Variants in NNT observed in about 807,000 individuals in gnomAD.
The protein encoded by NNT is NAD(P) transhydrogenase, mitochondrial.
In NNT, 50 loss-of-function variants were observed where a neutral mutation model predicts 104.8. That is an observed-to-expected ratio of 0.48 (90% CI 0.38 to 0.60). The LOEUF (loss-of-function observed/expected upper bound fraction) is 0.60, where lower values mean the gene tolerates loss of function less well. Ranked by LOEUF, NNT falls within the 20% of genes least tolerant of loss-of-function variation. NNT has a pLI of 0.00. For missense variants in NNT, 1,131 were observed against 1,330.7 expected, an observed-to-expected ratio of 0.85 and a Z score of 2.33; for synonymous variants, 461 against 490.4, an observed-to-expected ratio of 0.94 and a Z score of 0.79.
At chr5:43,608,890 G>C (rs1749358781) in intron 1 of NNT, among the ~76,000 whole-genome samples, 1 of 152,170 alleles carries the variant, frequency 6.6e-6, no homozygotes. Context: ...CCTAGGCTTG[G>C]AATTGAATAG....
intron 17 of NNT, among the ~76,000 whole-genome samples, chr5:43,668,754 G>T (rs772601014): frequency 9.3e-4 from 142 of 152,282 alleles, no homozygotes; most frequent in Middle Eastern, 3.4e-3. Flanking sequence ...GATTGACCTG[G>T]CAATGTGAGC....
intron 3 of NNT, among the ~76,000 whole-genome samples, chr5:43,615,295 A>C (rs558098336): frequency 5.8e-4 from 89 of 152,368 alleles, no homozygotes; most frequent in South Asian, 1.7e-3. Context: ...CCAATTCAGC[A>C]AGGTTACTAG....
chr5:43,622,786 C>T (rs577425594), intron 5 of NNT, among the ~76,000 whole-genome samples: 7 of 152,084 alleles, frequency 4.6e-5, no homozygotes, highest in East Asian at 3.9e-4. Flanking sequence ...TTTTTCTTTA[C>T]TCCATGCTTT....
chr5:43,659,100 C>A, intron 16 of NNT, 71 bp from the exon 17 acceptor site: 1 of 1,409,708 alleles, frequency 7.1e-7, no homozygotes, highest in Non-Finnish European at 9.5e-7. Context: ...AATTAAGGAG[C>A]AAAATGTTAA....
Position 43,705,735 on chromosome 5 carries a change from T to C in NNT, c.*1331T>C, listed in dbSNP as rs1743075247. The C allele has an allele frequency of 6.6e-6, 1 of 151,914 alleles. No homozygotes were observed. The highest frequency in any genetic ancestry group is 6.6e-5 in the Admixed American group (1 of 15,258). 9.4% of individuals were successfully genotyped at this position (151,914 alleles called of 1,614,324 possible). ...CAGTATCTTTTGGTTTTATAATCAG[T>C]TTCTATTTTGCTGTGCCTGAGATTA... On this transcript the variant is annotated 3_prime_UTR_variant, in exon 22 of 22. Transcript: ENST00000344920.
At chr5:43,607,513 C>T (rs1365146105) in intron 1 of NNT, among the ~76,000 whole-genome samples, 1 of 152,202 alleles carries the variant, frequency 6.6e-6, no homozygotes, top group African/African-American at 2.4e-5. Context: ...ACTCTCTTTT[C>T]GGACTCAGCC....
chr5:43,646,354 C>T (rs6898436), intron 10 of NNT, among the ~76,000 whole-genome samples: 21,980 of 151,998 alleles, frequency 0.14, 2,401 homozygotes, highest in African/African-American at 0.3. Flanking sequence ...GGTGTGATTA[C>T]GGCTCACCAT....
intron 17 of NNT, 31 bp downstream of exon 17, chr5:43,659,381 GA>G (rs1287712061): frequency 6.5e-7 from 1 of 1,543,734 alleles, no homozygotes; most frequent in Admixed American, 1.9e-5. Context: ...GAAACAAAAG[GA>G]AATGGCTTCC....
chr5:43,681,472 C>A (rs1001860023), intron 19 of NNT, among the ~76,000 whole-genome samples: 1 of 151,996 alleles, frequency 6.6e-6, no homozygotes, highest in Non-Finnish European at 1.5e-5. Flanking sequence ...GATTTCAGCT[C>A]ACTGCAACCT....
intron 11 of NNT, 22 bp downstream of exon 11, chr5:43,649,330 C>T (rs934628559): frequency 1.2e-6 from 2 of 1,613,270 alleles, no homozygotes; most frequent in Non-Finnish European, 1.7e-6. Context: ...TCTTGTTTTT[C>T]CTCATCTCAG....
rs767975687 is a variant in NNT at position 43,628,405 on chromosome 5, C to T, written c.964+18C>T. On this transcript the variant is annotated intron_variant, in intron 7 of 21. Coordinates refer to ENST00000344920, the MANE Select transcript of NNT (RefSeq NM_182977.3). Reference sequence around the variant, plus strand: ...TATTCCAGGTATGCCATTAAGTAAACGGTTATTTTAAAAGCACTTTTACTC... The same window carrying T: ...TATTCCAGGTATGCCATTAAGTAAATGGTTATTTTAAAAGCACTTTTACTC... The T allele has an allele frequency of 1.3e-5, 20 of 1,524,062 alleles. No homozygotes were observed. The highest frequency in any genetic ancestry group is 6.3e-5 in the South Asian group (5 of 78,900). The allele number at this position is 1,524,062 out of a possible 1,614,324, so 94.4% of individuals were successfully genotyped here.
At chr5:43,694,181 C>T (rs971892989) in intron 19 of NNT, among the ~76,000 whole-genome samples, 12 of 152,112 alleles carry the variant, frequency 7.9e-5, no homozygotes, top group Non-Finnish European at 1.5e-4. Flanking sequence ...GCTTTGGGGC[C>T]AAGACTGTGG....
At chr5:43,644,047 A>G in intron 7 of NNT, 145 bp from the exon 8 acceptor site, 1 of 706,148 alleles carries the variant, frequency 1.4e-6, no homozygotes, top group Non-Finnish European at 2.3e-6. Flanking sequence ...AGTCTCACCC[A>G]TGCTATGGTC....
Position 43,700,119 on chromosome 5 carries a change from G to GT in NNT, c.2880dup (p.Gly961TrpfsTer14). 1 of 1,611,576 alleles carries GT rather than the reference G, an allele frequency of 6.2e-7. No individual in the cohort carries two copies. The highest frequency in any genetic ancestry group is 8.5e-7 in the Non-Finnish European group (1 of 1,178,500). ...AGCTCTTCATTTGTTTCATGTCTAG[G>GT]TTTGGAATTCACCCAGTTGCAGGCC... On this transcript the variant is annotated frameshift_variant and splice_region_variant, in exon 20 of 22. Coordinates refer to ENST00000344920, the MANE Select transcript of NNT (RefSeq NM_182977.3). LOFTEE classifies it high-confidence loss of function.
At chr5:43,665,218 AT>A (rs11313047) in intron 17 of NNT, among the ~76,000 whole-genome samples, 16,005 of 139,522 alleles carry the variant, frequency 0.11, 1,147 homozygotes, top group African/African-American at 0.23. Context: ...TTATTTATTT[AT>A]TTATTATTAT....
intron 17 of NNT, chr5:43,667,203 G>A (rs1398189152): frequency 4.5e-6 from 6 of 1,344,152 alleles, no homozygotes; most frequent in African/African-American, 1.4e-5. Flanking sequence ...GGGACTGGTT[G>A]TGTGTAGTGT....
At chr5:43,619,437 C>T (rs2111606413) in intron 5 of NNT, among the ~76,000 whole-genome samples, 1 of 152,264 alleles carries the variant, frequency 6.6e-6, no homozygotes, top group South Asian at 2.1e-4. Flanking sequence ...AGATACCATT[C>T]AGCAGATTCT....
chr5:43,619,038 G>A lies in NNT; in HGVS notation c.606G>A (p.Lys202=), dbSNP rs779219558. 4 of 1,525,368 alleles carry A rather than the reference G, an allele frequency of 2.6e-6. No homozygotes were observed. The East Asian group carries it at 7.0e-5, about 27-fold the overall frequency. The allele number at this position is 1,525,368 out of a possible 1,614,324, so 94.5% of individuals were successfully genotyped here. Residue 202 remains lysine (K), a synonymous_variant, in exon 5 of 22, where the codon AAG becomes AAA. Transcript: ENST00000344920. ...LSSMANIAGY[K]AVVLAANHFG... Reference sequence around the variant, plus strand: ...TATTTATTTATTTTTAAAGTTATAAGGCTGTTGTCCTAGCAGCAAATCATT... The same window carrying A: ...TATTTATTTATTTTTAAAGTTATAAAGCTGTTGTCCTAGCAGCAAATCATT...
At chr5:43,652,361 A>C (rs532881352) in intron 13 of NNT, among the ~76,000 whole-genome samples, 3 of 152,224 alleles carry the variant, frequency 2.0e-5, no homozygotes, top group Non-Finnish European at 4.4e-5. Flanking sequence ...TTTAAACTTA[A>C]TGTTGTATAG....
Sources: gnomAD v4.1 joint callset for allele counts (sites outside exome capture counted in the v4.1 genomes callset) on GRCh38, gnomAD v4.1.1 for gene constraint, MANE v1.5 for transcripts, NCBI Gene and HGNC (gene_info 2026-07-23, HGNC 2026-07-21) for gene names.